PTPRK: variants seen among roughly 807,000 people sequenced by gnomAD.
PTPRK encodes the protein receptor-type tyrosine-protein phosphatase kappa.
PTPRK carries 75 observed loss-of-function variants against 178.0 expected under a neutral mutation model. The observed-to-expected ratio is 0.42, with a 90% CI of 0.35 to 0.51. PTPRK has a LOEUF of 0.51. PTPRK is among the 20% of genes least tolerant of loss of function. The pLI, the probability that PTPRK is intolerant of heterozygous loss-of-function variation, is 0.02. For synonymous variants in PTPRK, 637 were observed against 620.6 expected (o/e 1.03, Z -0.39); for missense variants, 1,441 against 1,797.8 (o/e 0.80, Z 3.59).
At chr6:128,383,002 A>C (rs1838165580) in intron 2 of PTPRK, among the ~76,000 whole-genome samples, 1 of 152,326 alleles carries the variant, frequency 6.6e-6, no homozygotes, top group African/African-American at 2.4e-5. Context: ...CTTTATCATA[A>C]GGAATGTGAC....
intron 6 of PTPRK, among the ~76,000 whole-genome samples, chr6:128,201,028 G>T (rs750979529): frequency 8.6e-5 from 13 of 151,898 alleles, no homozygotes; most frequent in Non-Finnish European, 1.3e-4. Context: ...CCTGGAAGGT[G>T]TTTTTAATTT....
Position 128,190,490 on chromosome 6 carries a change from CTTTTTTTTTTT to C in PTPRK, c.869-5776_869-5766del, listed in dbSNP as rs34873441. ...ACCCATCAATTCAAGTGATAGATAC[CTTTTTTTTTTT>C]TTTTTTTTTTTTTTTTTGACAGAGT... is the stretch of plus-strand genomic sequence containing the variant. On this transcript the variant is annotated intron_variant, in intron 6 of 29. Coordinates refer to ENST00000368226, the MANE Select transcript of PTPRK (RefSeq NM_002844.4). Among the ~76,000 whole-genome samples, 98 of 96,136 alleles carry C rather than the reference CTTTTTTTTTTT, an allele frequency of 1.0e-3. 1 individual carries two copies. The highest frequency in any genetic ancestry group is 4.3e-3 in the African/African-American group (82 of 18,982). 63.1% of individuals were successfully genotyped at this position (96,136 alleles called of 152,430 possible).
chr6:128,218,521 T>C (rs1032774611), intron 6 of PTPRK, among the ~76,000 whole-genome samples: 1 of 152,184 alleles, frequency 6.6e-6, no homozygotes, highest in Non-Finnish European at 1.5e-5. Flanking sequence ...TGTAGGACTA[T>C]ATGGAAATAG....
At chr6:127,983,091 AC>A in intron 23 of PTPRK, 111 bp from the exon 24 acceptor site, 1 of 1,325,042 alleles carries the variant, frequency 7.5e-7, no homozygotes, top group East Asian at 2.4e-5. Context: ...GAATTAAAAC[AC>A]CAATATTTTT....
chr6:128,427,424 T>G (rs1227678018), intron 1 of PTPRK, among the ~76,000 whole-genome samples: 5 of 152,158 alleles, frequency 3.3e-5, no homozygotes, highest in African/African-American at 1.2e-4. Context: ...CATTCATGGC[T>G]GAAGAGCCAC....
At chr6:128,232,860 C>A (rs955477544) in intron 5 of PTPRK, among the ~76,000 whole-genome samples, 1 of 152,154 alleles carries the variant, frequency 6.6e-6, no homozygotes, top group African/African-American at 2.4e-5. Flanking sequence ...TTGACCACGT[C>A]CAGACATTAG....
Position 127,976,962 on chromosome 6 carries a change from A to G in PTPRK, c.3804T>C (p.Cys1268=). ...DFWRLVYDYG[C]TSIVMLNEVD... ...CTTCGTTTAACATCACAATGGAGGTACAGCCATAATCATACACTAATCTCC... is the reference window on the plus strand; with the variant it reads ...CTTCGTTTAACATCACAATGGAGGTGCAGCCATAATCATACACTAATCTCC... Residue 1268 remains cysteine (C), a synonymous_variant, in exon 26 of 30, where the codon TGT becomes TGC. Transcript: ENST00000368226. 6.2e-7 allele frequency: 1 copy of G among 1,614,186 alleles called. No homozygotes were observed. The highest frequency in any genetic ancestry group is 8.5e-7 in the Non-Finnish European group (1 of 1,180,004).
intron 13 of PTPRK, among the ~76,000 whole-genome samples, chr6:128,030,264 G>A (rs926609935): frequency 6.6e-6 from 1 of 152,088 alleles, no homozygotes; most frequent in African/African-American, 2.4e-5. Context: ...TTACAGGCTT[G>A]GTAAAAGGGA....
At chr6:128,397,749 C>A in intron 1 of PTPRK, 61 bp from the exon 2 acceptor site, 1 of 1,524,280 alleles carries the variant, frequency 6.6e-7, no homozygotes, top group Non-Finnish European at 9.1e-7. Flanking sequence ...AACGAAAGTT[C>A]TGGAGAAGGA....
chr6:128,191,952 T>C (rs1803875046), intron 6 of PTPRK, among the ~76,000 whole-genome samples: 1 of 152,194 alleles, frequency 6.6e-6, no homozygotes, highest in African/African-American at 2.4e-5. Context: ...CTGGCTTGAC[T>C]GTGGCCAGGG....
intron 4 of PTPRK, among the ~76,000 whole-genome samples, chr6:128,241,841 G>A (rs1247895317): frequency 6.7e-6 from 1 of 150,192 alleles, no homozygotes; most frequent in East Asian, 1.9e-4. Context: ...GAGTGCAGTG[G>A]TGCAATCTCA....
chr6:128,455,257 A>G (rs1848256048), intron 1 of PTPRK, among the ~76,000 whole-genome samples: 1 of 152,160 alleles, frequency 6.6e-6, no homozygotes, highest in Admixed American at 6.6e-5. Context: ...CAGAAAAAAT[A>G]AATAAATAGA....
intron 5 of PTPRK, among the ~76,000 whole-genome samples, chr6:128,223,785 C>T (rs143181109): frequency 3.3e-5 from 5 of 152,210 alleles, no homozygotes; most frequent in African/African-American, 1.2e-4. Context: ...AAATGTGATG[C>T]ACATAGCCTG....
At position 128,311,734 on chromosome 6, in the gene PTPRK, A is replaced by T. The variant is rs1827271144; in HGVS notation, c.495+10305T>A. On this transcript the variant is annotated intron_variant, in intron 3 of 29. Transcript: ENST00000368226. Reference sequence around the variant, plus strand: ...AGGCTGGATTAGAACTCCTGGGTTCAAGCGATCCTCCTGCCTCAGCCTCTC... The same window carrying T: ...AGGCTGGATTAGAACTCCTGGGTTCTAGCGATCCTCCTGCCTCAGCCTCTC... Among the ~76,000 whole-genome samples the T allele has an allele frequency of 2.0e-5, 3 of 152,106 alleles. No homozygotes were observed. The South Asian group carries it at 6.2e-4, about 32-fold the overall frequency.
intron 21 of PTPRK, among the ~76,000 whole-genome samples, chr6:127,989,030 AGAG>A (rs1435947135): frequency 6.6e-6 from 1 of 152,100 alleles, no homozygotes; most frequent in Non-Finnish European, 1.5e-5. Context: ...ATTATTCAGA[AGAG>A]GATTTGGTGA....
At chr6:127,991,504 A>C (rs1776602458) in intron 19 of PTPRK, 113 bp from the exon 20 acceptor site, 2 of 619,436 alleles carry the variant, frequency 3.2e-6, no homozygotes, top group Non-Finnish European at 5.0e-6. Context: ...AAGGTCTAAC[A>C]CAAAATGTCA....
Position 128,285,791 on chromosome 6 carries a change from C to A in PTPRK, c.495+36248G>T, listed in dbSNP as rs147205642. On this transcript the variant is annotated intron_variant, in intron 3 of 29. Transcript: ENST00000368226. ...CTGTTGCCTGGGCAACAGAGTAATACGCTGTCTCAAAAAAAAGTCTCCAAA... is the reference window on the plus strand; with the variant it reads ...CTGTTGCCTGGGCAACAGAGTAATAAGCTGTCTCAAAAAAAAGTCTCCAAA... Among the ~76,000 whole-genome samples the A allele has an allele frequency of 2.0e-4, 31 of 151,550 alleles. No individual in the cohort carries two copies. The East Asian group carries it at 5.2e-3, about 26-fold the overall frequency.
intron 3 of PTPRK, among the ~76,000 whole-genome samples, chr6:128,255,521 G>C (rs935046581): frequency 6.6e-6 from 1 of 152,222 alleles, no homozygotes; most frequent in Admixed American, 6.5e-5. Context: ...CCACTCAAAT[G>C]ATTTTAGATG....
chr6:128,170,981 T>C (rs1204161036), intron 7 of PTPRK, among the ~76,000 whole-genome samples: 2 of 150,958 alleles, frequency 1.3e-5, no homozygotes, highest in Admixed American at 1.3e-4. Context: ...GTTTAGAAAA[T>C]AATAAACGAA....
Sources: allele counts gnomAD v4.1 joint callset (sites outside exome capture counted in the v4.1 genomes callset), GRCh38; gene constraint gnomAD v4.1.1; transcripts MANE v1.5; gene names NCBI Gene and HGNC (gene_info 2026-07-23, HGNC 2026-07-21).